Variants in NDUFAF6 observed in about 807,000 individuals in gnomAD.
The protein encoded by NDUFAF6 is NADH:ubiquinone oxidoreductase complex assembly factor 6.
A neutral mutation model predicts 40.8 loss-of-function variants in NDUFAF6; 45 were observed. That is an observed-to-expected ratio of 1.10 (90% CI 0.87 to 1.42). NDUFAF6 has a LOEUF of 1.42. Among genes scored for constraint, NDUFAF6 ranks in the 40% most tolerant of loss-of-function variants. The pLI is 0.00. For missense variants in NDUFAF6, 435 were observed against 418.5 expected, an observed-to-expected ratio of 1.04 and a Z score of -0.34; for synonymous variants, 185 against 155.9, an observed-to-expected ratio of 1.19 and a Z score of -1.39.
intron 1 of NDUFAF6, chr8:94,896,465 A>G (rs1817588892): frequency 6.6e-6 from 1 of 152,290 alleles, no homozygotes; most frequent in South Asian, 2.1e-4. Flanking sequence ...AAAACTGCAC[A>G]TCGTCAAGTC....
intron 9 of NDUFAF6, chr8:95,073,217 A>T (rs1832927243): frequency 6.6e-6 from 1 of 152,420 alleles, no homozygotes; most frequent in African/African-American, 2.4e-5. Context: ...ACGGCGCTTT[A>T]GGCGGGTCCC....
At chr8:94,926,774 C>G (rs1766290021) in intron 1 of NDUFAF6, 1 of 152,136 alleles carries the variant, frequency 6.6e-6, no homozygotes, top group South Asian at 2.1e-4. Flanking sequence ...CTTTCTCCAC[C>G]CTAAACAGTT....
downstream of NDUFAF6, among the ~76,000 whole-genome samples, chr8:95,080,960 C>G (rs1051520841): frequency 6.6e-6 from 1 of 152,110 alleles, no homozygotes; most frequent in Non-Finnish European, 1.5e-5. Flanking sequence ...CCATGTTAGC[C>G]CACCTAGCCT....
chr8:95,041,600 TGG>T lies in NDUFAF6; in HGVS notation c.452_453del (p.Trp151SerfsTer7), dbSNP rs769809257. On this transcript the variant is annotated frameshift_variant, in exon 4 of 9. Coordinates refer to ENST00000396124, the MANE Select transcript of NDUFAF6 (RefSeq NM_152416.4). LOFTEE classifies it high-confidence loss of function. ...AVKRHNLTKRWLMKIVDEREK... is the reference protein window; with the variant it reads ...AVKRHNLTKRXLMKIVDEREK... ...TAAAAGACATAATCTGACTAAAAGA[TGG>T]CTTATGAAAATCGTCGATGAAAGAG... The T allele has an allele frequency of 5.0e-6, 8 of 1,612,648 alleles. No homozygotes were observed.
downstream of NDUFAF6, among the ~76,000 whole-genome samples, chr8:95,063,695 A>G (rs1832627204): frequency 1.3e-5 from 2 of 152,186 alleles, no homozygotes. Context: ...CTGCTTAGTT[A>G]TATAATAATA....
intron 2 of NDUFAF6, among the ~76,000 whole-genome samples, chr8:95,084,971 A>G (rs11996176): frequency 0.02 from 3,022 of 152,302 alleles, 94 homozygotes; most frequent in African/African-American, 0.069. Context: ...TCTCTATACT[A>G]AAAACATCAT....
At chr8:94,935,128 T>TATAGATAGATATAG (rs1554630989) in intron 1 of NDUFAF6, among the ~76,000 whole-genome samples, 158 of 144,746 alleles carry the variant, frequency 1.1e-3, no homozygotes, top group African/African-American at 4.0e-3. Flanking sequence ...GGTAGATAGA[T>TATAGATAGATATAG]ATAGATAGAT....
chr8:95,045,628 C>G lies in NDUFAF6; in HGVS notation c.561C>G (p.Tyr187Ter), dbSNP rs1085307635. The change falls in exon 5 of 9, where the codon TAC becomes TAG. Residue 187 changes from tyrosine to a stop codon, truncating the protein, a stop_gained. Coordinates refer to ENST00000396124, the MANE Select transcript of NDUFAF6 (RefSeq NM_152416.4). LOFTEE classifies it high-confidence loss of function. The stretch of plus-strand genomic sequence containing the variant: ...AAAACACACAGAGCTCTCTTCTTTA[C>G]TTAACACTAGAAATATTGGGTAAGT... ...YAENTQSSLL[Y>*]LTLEILGIKD... 1 of 1,612,382 alleles carries G rather than the reference C, an allele frequency of 6.2e-7. No individual in the cohort carries two copies.
At chr8:95,107,358 C>A (rs1168949601), downstream of NDUFAF6, among the ~76,000 whole-genome samples, 2 of 152,180 alleles carry the variant, frequency 1.3e-5, no homozygotes, top group Admixed American at 6.5e-5. Flanking sequence ...AACCATCATT[C>A]TCAGCAAGCT....
At chr8:94,961,491 A>C (rs537305508) in intron 1 of NDUFAF6, among the ~76,000 whole-genome samples, 1 of 152,192 alleles carries the variant, frequency 6.6e-6, no homozygotes, top group South Asian at 2.1e-4. Context: ...CCACCATCTC[A>C]GCTCACTGCA....
intron 2 of NDUFAF6, among the ~76,000 whole-genome samples, chr8:95,094,210 G>A (rs1297610703): frequency 2.0e-5 from 3 of 152,152 alleles, no homozygotes; most frequent in Non-Finnish European, 4.4e-5. Context: ...GACCTCAGGT[G>A]ATCCGCCCAC....
chr8:95,058,314 A>G lies in NDUFAF6; in HGVS notation c.*377A>G. Reference sequence around the variant, plus strand: ...GAAAGGGGAAAGGGCTCAAGTTATCATAGGGGCTTACATGCTGAGCAGCTA... The same window carrying G: ...GAAAGGGGAAAGGGCTCAAGTTATCGTAGGGGCTTACATGCTGAGCAGCTA... On this transcript the variant is annotated 3_prime_UTR_variant, in exon 9 of 9. Coordinates refer to ENST00000396124, the MANE Select transcript of NDUFAF6 (RefSeq NM_152416.4). 1 of 1,274,784 alleles carries G rather than the reference A, an allele frequency of 7.8e-7. No homozygotes were observed. Among genetic ancestry groups the G allele is most frequent in the Non-Finnish European group, 9.9e-7 (1 of 1,013,812 alleles). 79.0% of individuals were successfully genotyped at this position (1,274,784 alleles called of 1,614,324 possible). A position where few individuals can be genotyped will look rare whatever the true frequency, so the allele number is the denominator to read the frequency against.
At chr8:95,029,848 A>G (rs751606723) in intron 1 of NDUFAF6, among the ~76,000 whole-genome samples, 1 of 152,206 alleles carries the variant, frequency 6.6e-6, no homozygotes, top group Non-Finnish European at 1.5e-5. Flanking sequence ...TCCTATTATT[A>G]TGATGTTAAC....
At chr8:95,009,483 A>G (rs998812869) in intron 2 of NDUFAF6, among the ~76,000 whole-genome samples, 4 of 152,198 alleles carry the variant, frequency 2.6e-5, no homozygotes, top group Non-Finnish European at 4.4e-5. Flanking sequence ...GAAACCAGAT[A>G]TAGTTGGATT....
chr8:95,079,131 C>T (rs771409574), downstream of NDUFAF6, among the ~76,000 whole-genome samples: 2 of 151,872 alleles, frequency 1.3e-5, no homozygotes, highest in Non-Finnish European at 2.9e-5. Context: ...GCCACCATGG[C>T]CGGCTAATTT....
Position 95,048,504 on chromosome 8 carries a change from T to C in NDUFAF6, c.762T>C (p.Asn254=), listed in dbSNP as rs1831064721. 3 of 1,614,022 alleles carry C rather than the reference T, an allele frequency of 1.9e-6. No individual in the cohort carries two copies. Among genetic ancestry groups the C allele is most frequent in the Non-Finnish European group, 8.5e-7 (1 of 1,180,038 alleles). The change falls in exon 7 of 9, where the codon AAT becomes AAC. Residue 254 remains asparagine (N), a synonymous_variant. Transcript: ENST00000396124. ...EDFLRRNQDK[N]VRDVIYDIAS... ...TTCTACGGAGGAACCAAGATAAAAA[T>C]GTGAGAGATGTAATATATGACATTG...
chr8:94,930,241 GAT>G (rs1269783455), intron 1 of NDUFAF6: 2 of 526,934 alleles, frequency 3.8e-6, no homozygotes, highest in African/African-American at 1.9e-5. Context: ...TAATTATATT[GAT>G]ATGTTTCCAG....
At chr8:95,003,527 AATG>A (rs981719683) in intron 2 of NDUFAF6, among the ~76,000 whole-genome samples, 3 of 152,190 alleles carry the variant, frequency 2.0e-5, no homozygotes, top group African/African-American at 7.2e-5. Context: ...ACAGGTCTAA[AATG>A]CTATTTCAGG....
chr8:95,016,514 G>A (rs1400043853), intron 2 of NDUFAF6, among the ~76,000 whole-genome samples: 1 of 152,210 alleles, frequency 6.6e-6, no homozygotes, highest in Non-Finnish European at 1.5e-5. Context: ...GGAGGCTGAG[G>A]TGGGCGGATC....
Sources: gnomAD v4.1 joint callset for allele counts (sites outside exome capture counted in the v4.1 genomes callset) on GRCh38, gnomAD v4.1.1 for gene constraint, MANE v1.5 for transcripts, NCBI Gene and HGNC (gene_info 2026-07-23, HGNC 2026-07-21) for gene names.